The following CACNG3 variants were observed in gnomAD, a reference collection of about 807,000 sequenced individuals.
The protein encoded by CACNG3 is calcium voltage-gated channel auxiliary subunit gamma 3.
In CACNG3, 3 loss-of-function variants were observed where a neutral mutation model predicts 28.5. The ratio of observed to expected loss-of-function variants is 0.11; its 90% confidence interval spans 0.05 to 0.27. The LOEUF is 0.27. Ranked by LOEUF, CACNG3 falls within the 10% of genes least tolerant of loss-of-function variation. The pLI, the probability that CACNG3 is intolerant of heterozygous loss-of-function variation, is 1.00. For synonymous variants in CACNG3, 174 were observed against 162.2 expected (o/e 1.07, Z -0.55); for missense variants, 236 against 414.4 (o/e 0.57, Z 3.74).
chr16:24,353,902 G>A (rs1012093951), intron 2 of CACNG3, among the ~76,000 whole-genome samples: 8 of 152,116 alleles, frequency 5.3e-5, no homozygotes, highest in Non-Finnish European at 1.2e-4. Flanking sequence ...TGAAAATCCT[G>A]GGCTCTTAGG....
Position 24,282,404 on chromosome 16 carries a change from TC to T in CACNG3, c.211+25441del, listed in dbSNP as rs200952970. On this transcript the variant is annotated intron_variant, in intron 1 of 3. Coordinates refer to ENST00000005284, the MANE Select transcript of CACNG3 (RefSeq NM_006539.4). Reference sequence around the variant, plus strand: ...CCACTTGTGCGGCTTCTTCATTACTTCCTTTTTTTTTTTTTAAACGGAATCT... The same window carrying T: ...CCACTTGTGCGGCTTCTTCATTACTTCTTTTTTTTTTTTTAAACGGAATCT... 9.3e-5 allele frequency among the ~76,000 whole-genome samples: 13 copies of T among 139,840 alleles called. 1 individual carries two copies. The East Asian group carries it at 2.7e-3, about 29-fold the overall frequency. The allele number at this position is 139,840 out of a possible 152,430, so 91.7% of individuals were successfully genotyped here.
intron 1 of CACNG3, among the ~76,000 whole-genome samples, chr16:24,314,908 T>C (rs1245878067): frequency 6.6e-6 from 1 of 152,068 alleles, no homozygotes; most frequent in Non-Finnish European, 1.5e-5. Flanking sequence ...CCAGAGTCCC[T>C]GAGCTTGCAA....
At chr16:24,315,014 A>G (rs1899329625) in intron 1 of CACNG3, among the ~76,000 whole-genome samples, 1 of 152,164 alleles carries the variant, frequency 6.6e-6, no homozygotes, top group African/African-American at 2.4e-5. Context: ...CTCCTGGAAC[A>G]TGGAGGTGTC....
At chr16:24,324,363 C>T (rs1859205) in intron 1 of CACNG3, among the ~76,000 whole-genome samples, 44,924 of 152,042 alleles carry the variant, frequency 0.3, 7,450 homozygotes, top group Admixed American at 0.42. Flanking sequence ...TGCCTCTTGC[C>T]TAGTTTTTCC....
chr16:24,293,118 G>T (rs1014995904), intron 1 of CACNG3, among the ~76,000 whole-genome samples: 1 of 152,206 alleles, frequency 6.6e-6, no homozygotes, highest in Admixed American at 6.5e-5. Flanking sequence ...TCCCATCTAA[G>T]CCAAGAAGTT....
At chr16:24,338,241 C>G (rs961481353) in intron 1 of CACNG3, among the ~76,000 whole-genome samples, 1 of 152,118 alleles carries the variant, frequency 6.6e-6, no homozygotes, top group African/African-American at 2.4e-5. Flanking sequence ...GCTCAAGTGT[C>G]CCTTCTGCAA....
chr16:24,324,859 C>T (rs1356627517), intron 1 of CACNG3, among the ~76,000 whole-genome samples: 1 of 152,130 alleles, frequency 6.6e-6, no homozygotes, highest in Non-Finnish European at 1.5e-5. Flanking sequence ...ACTGCTTGCC[C>T]TGATTTGCAA....
intron 1 of CACNG3, among the ~76,000 whole-genome samples, chr16:24,257,363 AG>A (rs201769838): frequency 1.5e-5 from 1 of 67,430 alleles, no homozygotes; most frequent in Non-Finnish European, 3.0e-5. Flanking sequence ...GAAAGAAGTG[AG>A]GGGGGAGAGA....
chr16:24,287,052 T>C (rs1206294353), intron 1 of CACNG3, among the ~76,000 whole-genome samples: 2 of 152,236 alleles, frequency 1.3e-5, no homozygotes, highest in African/African-American at 4.8e-5. Flanking sequence ...GATGGCATGC[T>C]TGCTTGCTCC....
intron 1 of CACNG3, among the ~76,000 whole-genome samples, chr16:24,299,233 C>T (rs902828992): frequency 6.6e-6 from 1 of 152,172 alleles, no homozygotes; most frequent in Admixed American, 6.5e-5. Context: ...CATTTATTTA[C>T]ATCAGTATGG....
intron 1 of CACNG3, among the ~76,000 whole-genome samples, chr16:24,265,837 G>T (rs934882447): frequency 3.3e-5 from 5 of 152,010 alleles, no homozygotes; most frequent in Non-Finnish European, 2.9e-5. Context: ...CAATTTTGCT[G>T]CTTGGCCTGC....
At chr16:24,263,142 G>T (rs1898557446) in intron 1 of CACNG3, among the ~76,000 whole-genome samples, 1 of 152,064 alleles carries the variant, frequency 6.6e-6, no homozygotes, top group South Asian at 2.1e-4. Context: ...TAATTTTTTT[G>T]TTCAGTAGAT....
chr16:24,267,934 G>T (rs983038017), intron 1 of CACNG3, among the ~76,000 whole-genome samples: 1 of 152,190 alleles, frequency 6.6e-6, no homozygotes, highest in African/African-American at 2.4e-5. Context: ...GCCTCCCAGA[G>T]TGCTGGGATT....
At chr16:24,348,033 T>A (rs1899892928) in intron 2 of CACNG3, among the ~76,000 whole-genome samples, 2 of 152,248 alleles carry the variant, frequency 1.3e-5, no homozygotes, top group Non-Finnish European at 2.9e-5. Context: ...CTTCCATTGG[T>A]CAAGGCACAG....
intron 2 of CACNG3, among the ~76,000 whole-genome samples, chr16:24,347,332 A>T (rs1899883230): frequency 6.6e-6 from 1 of 152,118 alleles, no homozygotes; most frequent in Non-Finnish European, 1.5e-5. Context: ...AAGAAAGAGA[A>T]GGAGAAAGAA....
intron 1 of CACNG3, among the ~76,000 whole-genome samples, chr16:24,309,103 T>A (rs1034461612): frequency 1.3e-5 from 2 of 152,154 alleles, no homozygotes; most frequent in Non-Finnish European, 2.9e-5. Flanking sequence ...CGGCTGGCTC[T>A]GAGTGCAGGC....
At chr16:24,312,776 C>A (rs899628328) in intron 1 of CACNG3, among the ~76,000 whole-genome samples, 4 of 151,448 alleles carry the variant, frequency 2.6e-5, no homozygotes, top group Non-Finnish European at 4.4e-5. Context: ...TATGATCCCA[C>A]CACTGTACTC....
chr16:24,312,966 A>AAAG (rs1555460250), intron 1 of CACNG3, among the ~76,000 whole-genome samples: 15 of 99,150 alleles, frequency 1.5e-4, no homozygotes, highest in African/African-American at 5.0e-4. Context: ...AGAAAGAAAG[A>AAAG]AAAGAAAGAA....
intron 1 of CACNG3, among the ~76,000 whole-genome samples, chr16:24,344,303 G>C (rs1899829201): frequency 6.6e-6 from 1 of 151,920 alleles, no homozygotes; most frequent in Non-Finnish European, 1.5e-5. Context: ...CTGGTGGTCG[G>C]GAGGCTGTGG....
Sources: gnomAD v4.1 joint callset for allele counts (sites outside exome capture counted in the v4.1 genomes callset) on GRCh38, gnomAD v4.1.1 for gene constraint, MANE v1.5 for transcripts, NCBI Gene and HGNC (gene_info 2026-07-23, HGNC 2026-07-21) for gene names.